Variants in ADGRB3 observed in about 807,000 individuals in gnomAD.
ADGRB3 encodes brain-specific angiogenesis inhibitor 3.
Under a neutral mutation model 193.4 loss-of-function variants are expected in ADGRB3, and 37 were observed. That is an observed-to-expected ratio of 0.19 (90% confidence interval 0.15 to 0.25). The LOEUF (loss-of-function observed/expected upper bound fraction) is 0.25, where lower values mean the gene tolerates loss of function less well. Among genes scored for constraint, ADGRB3 ranks in the 10% least tolerant of loss-of-function variants. The probability of loss-of-function intolerance (pLI) is 1.00; values close to 1 mark genes in which losing one functional copy is unlikely to be tolerated. For missense variants in ADGRB3, 1,637 were observed against 1,852.9 expected (o/e 0.88, Z 2.14); for synonymous variants, 690 against 644.2 (o/e 1.07, Z -1.08).
At chr6:69,099,479 C>A (rs1436159074) in intron 17 of ADGRB3, among the ~76,000 whole-genome samples, 1 of 152,168 alleles carries the variant, frequency 6.6e-6, no homozygotes, top group Non-Finnish European at 1.5e-5. Context: ...GCAGAAAATT[C>A]TTCTCATTTG....
intron 23 of ADGRB3, chr6:69,332,631 T>C (rs1021795447): frequency 4.1e-6 from 4 of 985,434 alleles, no homozygotes; most frequent in Non-Finnish European, 4.8e-6. Context: ...GAATGCCAGA[T>C]TGGCATAGTA....
chr6:68,997,838 A>C (rs150652039), intron 11 of ADGRB3, among the ~76,000 whole-genome samples: 61 of 152,220 alleles, frequency 4.0e-4, no homozygotes, highest in African/African-American at 1.4e-3. Context: ...TGAAAAATTT[A>C]ATTCAGCAGG....
chr6:68,858,975 AG>A (rs1376575632), intron 3 of ADGRB3, among the ~76,000 whole-genome samples: 2 of 152,216 alleles, frequency 1.3e-5, no homozygotes, highest in Non-Finnish European at 2.9e-5. Context: ...TTATGTAGCC[AG>A]CTTGAATTTC....
At chr6:68,982,686 TC>T (rs1768953114) in intron 10 of ADGRB3, among the ~76,000 whole-genome samples, 1 of 152,158 alleles carries the variant, frequency 6.6e-6, no homozygotes, top group Admixed American at 6.5e-5. Context: ...GAAGTCTTCA[TC>T]CTATCTCCTC....
chr6:69,216,310 TAGTG>T (rs1172030351), intron 17 of ADGRB3, among the ~76,000 whole-genome samples: 1 of 152,122 alleles, frequency 6.6e-6, no homozygotes, highest in African/African-American at 2.4e-5. Context: ...TACCTAGAAT[TAGTG>T]AGAAAATTTA....
chr6:69,196,501 C>G (rs1246946836), intron 17 of ADGRB3, among the ~76,000 whole-genome samples: 1 of 152,092 alleles, frequency 6.6e-6, no homozygotes, highest in Admixed American at 6.6e-5. Flanking sequence ...TGCCTTCTTA[C>G]TTTATCTTTA....
chr6:69,007,667 TC>T (rs1769799739), intron 11 of ADGRB3, among the ~76,000 whole-genome samples: 1 of 113,082 alleles, frequency 8.8e-6, no homozygotes, highest in Non-Finnish European at 1.8e-5. Flanking sequence ...TCTAAAGTAA[TC>T]TCTCTCTCTC....
At chr6:68,903,828 G>T (rs1017628700) in intron 3 of ADGRB3, among the ~76,000 whole-genome samples, 1 of 151,442 alleles carries the variant, frequency 6.6e-6, no homozygotes, top group Admixed American at 6.6e-5. Flanking sequence ...GCAACATAGT[G>T]ACACCCTGTC....
At chr6:68,662,047 A>G (rs775553853) in intron 3 of ADGRB3, among the ~76,000 whole-genome samples, 5 of 151,548 alleles carry the variant, frequency 3.3e-5, no homozygotes, top group Admixed American at 6.6e-5. Context: ...GGCACAAGTC[A>G]GGAATTTGCA....
At chr6:68,830,186 C>T (rs569503950) in intron 3 of ADGRB3, among the ~76,000 whole-genome samples, 1 of 152,142 alleles carries the variant, frequency 6.6e-6, no homozygotes, top group East Asian at 1.9e-4. Context: ...TCTCCATTAG[C>T]AAGTATTATT....
chr6:68,849,648 T>C (rs1263555357), intron 3 of ADGRB3, among the ~76,000 whole-genome samples: 1 of 151,986 alleles, frequency 6.6e-6, no homozygotes, highest in Non-Finnish European at 1.5e-5. Flanking sequence ...CAAACTCTCA[T>C]TTTTAGCATT....
In ADGRB3 at chr6:68,725,824, T is replaced by G. The variant is rs535105432; in HGVS notation, c.757+86392T>G. ...GTGAACAAGGGGGACCATTGACAGA[T>G]GTTTAAAGGAGGGCCTAGGAAAAGG... On this transcript the variant is annotated intron_variant, in intron 3 of 31. Transcript: ENST00000370598. 1.1e-3 allele frequency among the ~76,000 whole-genome samples: 164 copies of G among 151,580 alleles called. 1 individual carries two copies. The highest frequency in any genetic ancestry group is 3.9e-3 in the African/African-American group (161 of 41,442).
chr6:68,644,404 G>GA (rs932876274), intron 3 of ADGRB3, among the ~76,000 whole-genome samples: 5 of 151,536 alleles, frequency 3.3e-5, no homozygotes, highest in African/African-American at 1.2e-4. Flanking sequence ...TGCCCATCTA[G>GA]AAAAAAAATG....
At chr6:69,228,671 A>G (rs1166544394) in intron 17 of ADGRB3, among the ~76,000 whole-genome samples, 3 of 152,156 alleles carry the variant, frequency 2.0e-5, no homozygotes, top group Non-Finnish European at 4.4e-5. Flanking sequence ...AAGTGCATAT[A>G]TATGTTTTAT....
chr6:69,141,119 CTTT>C (rs1391159036), intron 17 of ADGRB3, among the ~76,000 whole-genome samples: 8 of 116,782 alleles, frequency 6.9e-5, no homozygotes, highest in African/African-American at 2.3e-4. Context: ...ATATTTCTTT[CTTT>C]TTTTTTGGGG....
chr6:68,956,394 A>G (rs556219759), intron 7 of ADGRB3, among the ~76,000 whole-genome samples: 1 of 152,276 alleles, frequency 6.6e-6, no homozygotes, highest in East Asian at 1.9e-4. Flanking sequence ...ATGCTAATAA[A>G]GTAATAAAAT....
At chr6:68,766,352 C>T (rs1217485594) in intron 3 of ADGRB3, among the ~76,000 whole-genome samples, 5 of 151,780 alleles carry the variant, frequency 3.3e-5, no homozygotes. Flanking sequence ...TTCCTTCATA[C>T]GTAGTATGAA....
intron 17 of ADGRB3, among the ~76,000 whole-genome samples, chr6:69,097,636 A>T (rs533992730): frequency 1.6e-4 from 24 of 152,246 alleles, no homozygotes; most frequent in African/African-American, 5.5e-4. Context: ...GCATAATAAA[A>T]TAATGAATAT....
chr6:69,349,045 A>G (rs768288864), intron 26 of ADGRB3, among the ~76,000 whole-genome samples: 20 of 152,192 alleles, frequency 1.3e-4, no homozygotes, highest in Non-Finnish European at 2.1e-4. Context: ...TGTTATTTTT[A>G]TGATCTTGAG....
Sources: allele counts gnomAD v4.1 joint callset (sites outside exome capture counted in the v4.1 genomes callset), GRCh38; gene constraint gnomAD v4.1.1; transcripts MANE v1.5; gene names NCBI Gene and HGNC (gene_info 2026-07-23, HGNC 2026-07-21).